Variants in ZNF697 observed in about 807,000 individuals in gnomAD.
ZNF697 encodes zinc finger protein 697.
A neutral mutation model predicts 32.4 loss-of-function variants in ZNF697; 23 were observed. That is an observed-to-expected ratio of 0.71 (90% CI 0.51 to 1.01). The LOEUF is 1.01. ZNF697 is among the 50% of genes least tolerant of loss of function. The probability of loss-of-function intolerance (pLI) is 0.00; values close to 1 mark genes in which losing one functional copy is unlikely to be tolerated. For missense variants in ZNF697, 930 were observed against 794.0 expected (o/e 1.17, Z -2.06); for synonymous variants, 418 against 337.2 (o/e 1.24, Z -2.62).
In ZNF697 at chr1:119,647,907, C is replaced by T. The variant is rs1339577497; in HGVS notation, c.-254G>A. 4 of 152,374 alleles carry T rather than the reference C, an allele frequency of 2.6e-5. No homozygotes were observed. Among genetic ancestry groups the T allele is most frequent in the Non-Finnish European group, 5.9e-5 (4 of 68,166 alleles). The allele number at this position is 152,374 out of a possible 1,614,324, so 9.4% of individuals were successfully genotyped here. A position where few individuals can be genotyped will look rare whatever the true frequency, so the allele number is the denominator to read the frequency against. ...AGCACCCCATAAGCCCGGGGCCCTGCGCCCCAGGGGAGCGGACAACGGTCC... is the reference window on the plus strand; with the variant it reads ...AGCACCCCATAAGCCCGGGGCCCTGTGCCCCAGGGGAGCGGACAACGGTCC... On this transcript the variant is annotated 5_prime_UTR_variant, in exon 1 of 3. Coordinates refer to ENST00000421812, the MANE Select transcript of ZNF697 (RefSeq NM_001080470.2).
At position 119,626,076 on chromosome 1, in the gene ZNF697, C is replaced by T. The variant is rs767603660; in HGVS notation, c.25G>A (p.Val9Ile). The T allele has an allele frequency of 6.2e-7, 1 of 1,614,000 alleles. No homozygotes were observed. Among genetic ancestry groups the T allele is most frequent in the South Asian group, 1.1e-5 (1 of 91,090 alleles). ...TCTTCTGAGTCCTGGTGTGCACAGACACCCTGATTATCTTCTTGTTTCATC... is the reference window on the plus strand; with the variant it reads ...TCTTCTGAGTCCTGGTGTGCACAGATACCCTGATTATCTTCTTGTTTCATC... MKQEDNQG[V>I]CAHQDSEDKG... Residue 9 changes from valine to isoleucine, a missense_variant, in exon 2 of 3, where the codon GTC becomes ATC. Transcript: ENST00000421812.
chr1:119,639,537 G>A (rs1350543843), intron 1 of ZNF697, among the ~76,000 whole-genome samples: 1 of 152,058 alleles, frequency 6.6e-6, no homozygotes, highest in Non-Finnish European at 1.5e-5. Flanking sequence ...CAAAGCATGG[G>A]TTACAGTCTG....
Position 119,623,009 on chromosome 1 carries a change from C to A in ZNF697, c.1334G>T (p.Gly445Val). 6.3e-7 allele frequency: 1 copy of A among 1,590,240 alleles called. No individual in the cohort carries two copies. Among genetic ancestry groups the A allele is most frequent in the Non-Finnish European group, 8.6e-7 (1 of 1,166,434 alleles). Residue 445 changes from glycine (G) to valine (V), a missense_variant, in exon 3 of 3, where the codon GGC becomes GTC. Coordinates refer to ENST00000421812, the MANE Select transcript of ZNF697 (RefSeq NM_001080470.2). ...CACCAGGTGCGAGTTACGCCCGAAG[C>A]CCTTCCCGCACTCGCGGCACACGTA... ...RPYVCRECGK[G>V]FGRNSHLVNH...
chr1:119,626,113 G>C lies in ZNF697; in HGVS notation c.-13C>G. On this transcript the variant is annotated 5_prime_UTR_variant, in exon 2 of 3. Transcript: ENST00000421812. ...CTTCTTGTTTCATCCAGGAAGAAAA[G>C]AGCAAGGGAGGTGACCAGGAATCCC... The C allele has an allele frequency of 6.2e-7, 1 of 1,613,602 alleles. No individual in the cohort carries two copies. The highest frequency in any genetic ancestry group is 8.5e-7 in the Non-Finnish European group (1 of 1,179,644).
At chr1:119,647,167 A>G (rs1649233112) in intron 1 of ZNF697, among the ~76,000 whole-genome samples, 2 of 152,176 alleles carry the variant, frequency 1.3e-5, no homozygotes, top group African/African-American at 2.4e-5. Context: ...TTCCCGATGC[A>G]TGGCCATAAT....
At chr1:119,633,507 G>GAGC (rs587688514) in intron 1 of ZNF697, among the ~76,000 whole-genome samples, 399 of 152,254 alleles carry the variant, frequency 2.6e-3, no homozygotes, top group Non-Finnish European at 4.6e-3. Context: ...AGACCCAAGA[G>GAGC]AGCAGATGCA....
rs1553230607 is a variant in ZNF697, at chr1:119,648,231, T to TCGCTGGCTGGCTGCCC, written c.-579_-578insGGGCAGCCAGCCAGCG. ...CTGGCTGGCTGGCTGGCTGGCTGGC[T>TCGCTGGCTGGCTGCCC]GGCTCGCTGGCTGGCTGCCCGGCTG... is the stretch of plus-strand genomic sequence containing the variant. On this transcript the variant is annotated 5_prime_UTR_variant, in exon 1 of 3. Transcript: ENST00000421812. Among the ~76,000 whole-genome samples, 590 of 151,852 alleles carry TCGCTGGCTGGCTGCCC rather than the reference T, an allele frequency of 3.9e-3. 6 individuals carry two copies. Among genetic ancestry groups the TCGCTGGCTGGCTGCCC allele is most frequent in the Admixed American group, 0.015 (228 of 15,266 alleles).
chr1:119,647,681 A>C lies in ZNF697; in HGVS notation c.-38+10T>G, dbSNP rs763079340. 6.6e-6 allele frequency: 1 copy of C among 152,434 alleles called. No individual in the cohort carries two copies. The highest frequency in any genetic ancestry group is 1.5e-5 in the Non-Finnish European group (1 of 68,302). The allele number at this position is 152,434 out of a possible 1,614,324, so 9.4% of individuals were successfully genotyped here. On this transcript the variant is annotated intron_variant, in intron 1 of 2. Transcript: ENST00000421812. ...CGTCAAGGTCCACAGCTGCACACAA[A>C]GCCCTTCACCTTCTCCTTGCCTTCC...
intron 1 of ZNF697, among the ~76,000 whole-genome samples, chr1:119,643,358 T>C (rs1356707653): frequency 1.3e-5 from 2 of 152,144 alleles, no homozygotes; most frequent in Admixed American, 6.5e-5. Context: ...TTAACATGAC[T>C]AATGTGCTTC....
intron 1 of ZNF697, among the ~76,000 whole-genome samples, chr1:119,629,690 T>C (rs1326975327): frequency 2.0e-5 from 3 of 152,266 alleles, no homozygotes; most frequent in Non-Finnish European, 4.4e-5. Flanking sequence ...ATTACTATGA[T>C]GAAACTTCAG....
At position 119,620,154 on chromosome 1, in the gene ZNF697, A is replaced by G. The variant is rs914581995; in HGVS notation, c.*2551T>C. The G allele has an allele frequency of 4.6e-5, 7 of 152,648 alleles. No individual in the cohort carries two copies. The highest frequency in any genetic ancestry group is 8.8e-5 in the Non-Finnish European group (6 of 68,042). The allele number at this position is 152,648 out of a possible 1,614,324, so 9.5% of individuals were successfully genotyped here. A position where few individuals can be genotyped will look rare whatever the true frequency, so the allele number is the denominator to read the frequency against. On this transcript the variant is annotated 3_prime_UTR_variant, in exon 3 of 3. Transcript: ENST00000421812. Reference sequence around the variant, plus strand: ...AGTTGGATTGTTTTCTTCTGCTAAGAATGTGCTCATAGAAGGGATATCAAC... The same window carrying G: ...AGTTGGATTGTTTTCTTCTGCTAAGGATGTGCTCATAGAAGGGATATCAAC...
Position 119,648,135 on chromosome 1 carries a change from CA to C in ZNF697, c.-483del, listed in dbSNP as rs1649266969. On this transcript the variant is annotated 5_prime_UTR_variant, in exon 1 of 3. Transcript: ENST00000421812. ...GCGCCCCGGCCCGAGCCCCGCACCG[CA>C]GCGCGTCTGCCCTTGTGCGGCGGCG... is the stretch of plus-strand genomic sequence containing the variant. 6.6e-6 allele frequency among the ~76,000 whole-genome samples: 1 copy of C among 152,070 alleles called. No individual in the cohort carries two copies. The highest frequency in any genetic ancestry group is 2.1e-4 in the South Asian group (1 of 4,838).
intron 1 of ZNF697, among the ~76,000 whole-genome samples, chr1:119,638,210 T>C (rs775516551): frequency 3.6e-4 from 55 of 152,234 alleles, no homozygotes; most frequent in Non-Finnish European, 6.5e-4. Context: ...TTACAGGCTA[T>C]TGGGAAAAGG....
At chr1:119,631,624 A>G (rs986177982) in intron 1 of ZNF697, among the ~76,000 whole-genome samples, 1 of 151,950 alleles carries the variant, frequency 6.6e-6, no homozygotes, top group Non-Finnish European at 1.5e-5. Flanking sequence ...GGGCCCCGCC[A>G]GCCCCCAGGG....
chr1:119,632,259 C>G (rs1052459964), intron 1 of ZNF697, among the ~76,000 whole-genome samples: 1 of 152,002 alleles, frequency 6.6e-6, no homozygotes, highest in Non-Finnish European at 1.5e-5. Context: ...ACGTGGCAGG[C>G]GAACTTCCCC....
At position 119,623,395 on chromosome 1, in the gene ZNF697, G is replaced by T; in HGVS notation, c.948C>A (p.Pro316=). ...KHRRLHTGEK[P]YPCPECGEAF... ...CCTCGCCGCACTCGGGGCACGGGTA[G>T]GGCTTCTCGCCCGTGTGCAGGCGCC... is the stretch of plus-strand genomic sequence containing the variant. Residue 316 remains proline (P), a synonymous_variant, in exon 3 of 3, where the codon CCC becomes CCA. Coordinates refer to ENST00000421812, the MANE Select transcript of ZNF697 (RefSeq NM_001080470.2). 6.6e-7 allele frequency: 1 copy of T among 1,511,166 alleles called. No homozygotes were observed. The highest frequency in any genetic ancestry group is 1.5e-5 in the African/African-American group (1 of 68,434). 93.6% of individuals were successfully genotyped at this position (1,511,166 alleles called of 1,614,324 possible). A position where few individuals can be genotyped will look rare whatever the true frequency, so the allele number is the denominator to read the frequency against.
chr1:119,632,780 G>A (rs778167008), intron 1 of ZNF697, among the ~76,000 whole-genome samples: 2 of 152,142 alleles, frequency 1.3e-5, no homozygotes, highest in Non-Finnish European at 2.9e-5. Context: ...TAGACTATCT[G>A]CCCTCAGCTG....
chr1:119,626,809 T>C (rs1031701608), intron 1 of ZNF697, among the ~76,000 whole-genome samples: 2 of 152,208 alleles, frequency 1.3e-5, no homozygotes, highest in African/African-American at 4.8e-5. Context: ...ATGATTCAAG[T>C]AGGCCTGGTG....
rs1348234673 is a variant in ZNF697, at chr1:119,623,674, C to T, written c.669G>A (p.Glu223=). Reference sequence around the variant, plus strand: ...CGCACTCGCCCGCCAGGCCGAAGGGCTCCAGGCTGGCGGCGGCAGCGGCCT... The same window carrying T: ...CGCACTCGCCCGCCAGGCCGAAGGGTTCCAGGCTGGCGGCGGCAGCGGCCT... The part of the protein sequence containing the change: ...LAEAAAAASL[E]PFGLAGECDA... The change falls in exon 3 of 3, where the codon GAG becomes GAA. Residue 223 remains glutamate (E), a synonymous_variant. Coordinates refer to ENST00000421812, the MANE Select transcript of ZNF697 (RefSeq NM_001080470.2). 1 of 1,372,338 alleles carries T rather than the reference C, an allele frequency of 7.3e-7. No homozygotes were observed. 85.0% of individuals were successfully genotyped at this position (1,372,338 alleles called of 1,614,324 possible). A position where few individuals can be genotyped will look rare whatever the true frequency, so the allele number is the denominator to read the frequency against.
Sources: allele counts gnomAD v4.1 joint callset (sites outside exome capture counted in the v4.1 genomes callset), GRCh38; gene constraint gnomAD v4.1.1; transcripts MANE v1.5; gene names NCBI Gene and HGNC (gene_info 2026-07-23, HGNC 2026-07-21).